The following SNTB2 variants were observed in gnomAD, a reference collection of about 807,000 sequenced individuals.
SNTB2 encodes beta-2-syntrophin.
In SNTB2, 34 loss-of-function variants were observed where a neutral mutation model predicts 46.2. That is an observed-to-expected ratio of 0.74 (90% CI 0.56 to 0.98). The LOEUF (loss-of-function observed/expected upper bound fraction) is 0.98, where lower values mean the gene tolerates loss of function less well. SNTB2 is among the 50% of genes least tolerant of loss of function. SNTB2 has a pLI of 0.00. For missense variants in SNTB2, 603 were observed against 731.4 expected (o/e 0.82, Z 2.02); for synonymous variants, 290 against 312.6 (o/e 0.93, Z 0.76).
chr16:69,257,594 CACCA>C (rs1964791530), intron 2 of SNTB2, among the ~76,000 whole-genome samples: 1 of 151,928 alleles, frequency 6.6e-6, no homozygotes, highest in Non-Finnish European at 1.5e-5. Context: ...TACAGGCGCC[CACCA>C]CCACGCCCGG....
At chr16:69,197,775 A>T (rs1333061708) in intron 1 of SNTB2, among the ~76,000 whole-genome samples, 1 of 152,232 alleles carries the variant, frequency 6.6e-6, no homozygotes, top group Non-Finnish European at 1.5e-5. Flanking sequence ...ATTGTTGGCC[A>T]GTAAAAGTAT....
intron 2 of SNTB2, 96 bp downstream of exon 2, chr16:69,245,911 G>T: frequency 4.9e-6 from 6 of 1,236,272 alleles, no homozygotes; most frequent in Non-Finnish European, 5.8e-6. Flanking sequence ...GTTATACAGA[G>T]GAAAACATCT....
chr16:69,283,106 G>C (rs1965065998), intron 4 of SNTB2, among the ~76,000 whole-genome samples: 1 of 152,068 alleles, frequency 6.6e-6, no homozygotes, highest in Admixed American at 6.6e-5. Context: ...ACCATGCTGA[G>C]ATTTTTTTTG....
Position 69,187,475 on chromosome 16 carries a change from C to A in SNTB2, c.309C>A (p.Pro103=). 2 of 1,215,066 alleles carry A rather than the reference C, an allele frequency of 1.6e-6. 1 individual carries two copies. The highest frequency in any genetic ancestry group is 2.1e-6 in the Non-Finnish European group (2 of 972,006). 75.3% of individuals were successfully genotyped at this position (1,215,066 alleles called of 1,614,324 possible). The change falls in exon 1 of 7, where the codon CCC becomes CCA. Residue 103 remains proline, a synonymous_variant. Coordinates refer to ENST00000336278, the MANE Select transcript of SNTB2 (RefSeq NM_006750.4). The part of the protein sequence containing the change: ...PPSPPAPPRG[P]AGEAGASPPV... ...GCCCGCCGGCGCCGCCTCGGGGCCC[C>A]GCGGGTGAGGCGGGCGCGTCGCCGC...
At chr16:69,199,872 T>C (rs1009268523) in intron 1 of SNTB2, among the ~76,000 whole-genome samples, 7 of 152,116 alleles carry the variant, frequency 4.6e-5, no homozygotes, top group African/African-American at 1.7e-4. Context: ...AGGGGGACTT[T>C]TAAAAAATGT....
At chr16:69,209,765 GA>G (rs1201475146) in intron 1 of SNTB2, among the ~76,000 whole-genome samples, 3 of 152,134 alleles carry the variant, frequency 2.0e-5, no homozygotes, top group African/African-American at 7.2e-5. Flanking sequence ...TCTTCATGCT[GA>G]GTTTAAACTT....
intron 1 of SNTB2, chr16:69,241,738 T>TG (rs1353688560): frequency 6.6e-6 from 1 of 151,708 alleles, no homozygotes; most frequent in African/African-American, 2.4e-5. Flanking sequence ...GAGACCAGCC[T>TG]GGGCAAATGG....
chr16:69,205,752 A>G (rs1460754709), intron 1 of SNTB2, among the ~76,000 whole-genome samples: 1 of 152,158 alleles, frequency 6.6e-6, no homozygotes, highest in African/African-American at 2.4e-5. Context: ...TCCCAGACAA[A>G]GAAGTCTAAG....
intron 1 of SNTB2, among the ~76,000 whole-genome samples, chr16:69,230,012 C>T (rs72795246): frequency 0.054 from 8,259 of 152,058 alleles, 256 homozygotes; most frequent in South Asian, 0.075. Context: ...GTCTCGGACT[C>T]TTGGCCTGAA....
At chr16:69,277,317 T>A (rs1597196913) in intron 4 of SNTB2, among the ~76,000 whole-genome samples, 1 of 152,312 alleles carries the variant, frequency 6.6e-6, no homozygotes, top group East Asian at 1.9e-4. Context: ...TCTGGGGAGA[T>A]TAGTGGTAAT....
intron 1 of SNTB2, among the ~76,000 whole-genome samples, chr16:69,242,717 C>T (rs1238534279): frequency 1.3e-5 from 2 of 152,052 alleles, no homozygotes; most frequent in Admixed American, 6.5e-5. Flanking sequence ...CCCACCTTCA[C>T]GTTCAGTAAA....
rs1482539520 is a variant in SNTB2 at position 69,302,329 on chromosome 16, TA to T, written c.*1409del. On this transcript the variant is annotated 3_prime_UTR_variant, in exon 7 of 7. Coordinates refer to ENST00000336278, the MANE Select transcript of SNTB2 (RefSeq NM_006750.4). ...ACATTTAAAATGGTATAATATCATATAAAATGTCAAAATTAGCACAGTCCCT... is the reference window on the plus strand; with the variant it reads ...ACATTTAAAATGGTATAATATCATATAAATGTCAAAATTAGCACAGTCCCT... 6.6e-6 allele frequency: 1 copy of T among 152,228 alleles called. No homozygotes were observed. The highest frequency in any genetic ancestry group is 6.5e-5 in the Admixed American group (1 of 15,276). The allele number at this position is 152,228 out of a possible 1,614,324, so 9.4% of individuals were successfully genotyped here.
chr16:69,247,487 G>A (rs1194789875), intron 2 of SNTB2, among the ~76,000 whole-genome samples: 7 of 152,180 alleles, frequency 4.6e-5, no homozygotes, highest in Non-Finnish European at 1.0e-4. Context: ...CCAGGTCCCT[G>A]ATCAGGATGG....
At chr16:69,225,383 G>A (rs1964448903) in intron 1 of SNTB2, among the ~76,000 whole-genome samples, 1 of 152,202 alleles carries the variant, frequency 6.6e-6, no homozygotes, top group South Asian at 2.1e-4. Context: ...TATCCACTTA[G>A]CAACAAAAAT....
At chr16:69,200,682 G>A (rs930452812) in intron 1 of SNTB2, among the ~76,000 whole-genome samples, 1 of 152,028 alleles carries the variant, frequency 6.6e-6, no homozygotes, top group Non-Finnish European at 1.5e-5. Context: ...TTTTATTTTT[G>A]TTTTGTTTTT....
At position 69,295,842 on chromosome 16, in the gene SNTB2, G is replaced by A. The variant is rs1437746745; in HGVS notation, c.1346-3748G>A. ...TTCATTACTCCTAAAAGGGTAAGGGGTGTCAGGCACTTAATCATCATTGCA... is the reference window on the plus strand; with the variant it reads ...TTCATTACTCCTAAAAGGGTAAGGGATGTCAGGCACTTAATCATCATTGCA... On this transcript the variant is annotated intron_variant, in intron 5 of 6. Transcript: ENST00000336278. Among the ~76,000 whole-genome samples, 28 of 152,198 alleles carry A rather than the reference G, an allele frequency of 1.8e-4. 1 individual carries two copies. The highest frequency in any genetic ancestry group is 1.8e-3 in the Admixed American group (28 of 15,268).
intron 1 of SNTB2, among the ~76,000 whole-genome samples, chr16:69,210,513 C>G (rs993273140): frequency 2.0e-5 from 3 of 150,700 alleles, no homozygotes; most frequent in Non-Finnish European, 3.0e-5. Flanking sequence ...GCTAGGATTA[C>G]AGGCATGAGC....
At chr16:69,228,586 A>G (rs1220991956) in intron 1 of SNTB2, among the ~76,000 whole-genome samples, 2 of 151,882 alleles carry the variant, frequency 1.3e-5, no homozygotes, top group African/African-American at 4.8e-5. Flanking sequence ...CAAAATCACA[A>G]CGTTTGTAAT....
chr16:69,189,586 A>G (rs1353054371), intron 1 of SNTB2, among the ~76,000 whole-genome samples: 1 of 151,594 alleles, frequency 6.6e-6, no homozygotes, highest in Non-Finnish European at 1.5e-5. Flanking sequence ...AAAATACGAA[A>G]ATTAGCCAGG....
Sources: allele counts gnomAD v4.1 joint callset (sites outside exome capture counted in the v4.1 genomes callset), GRCh38; gene constraint gnomAD v4.1.1; transcripts MANE v1.5; gene names NCBI Gene and HGNC (gene_info 2026-07-23, HGNC 2026-07-21).